IMMP2L: variants seen among roughly 807,000 people sequenced by gnomAD.
IMMP2L encodes the protein inner mitochondrial membrane peptidase subunit 2.
IMMP2L carries 18 observed loss-of-function variants against 19.3 expected under a neutral mutation model. The ratio of observed to expected loss-of-function variants is 0.93; its 90% CI spans 0.64 to 1.38. IMMP2L has a LOEUF of 1.38. Among genes scored for constraint, IMMP2L ranks in the 40% most tolerant of loss-of-function variants. IMMP2L has a pLI of 0.00. For missense variants in IMMP2L, 233 were observed against 218.2 expected (o/e 1.07, Z -0.43); for synonymous variants, 76 against 73.0 (o/e 1.04, Z -0.21).
chr7:111,345,617 T>C (rs1038661052), intron 3 of IMMP2L, among the ~76,000 whole-genome samples: 7 of 151,042 alleles, frequency 4.6e-5, no homozygotes, highest in Non-Finnish European at 1.0e-4. Context: ...TAACATGATA[T>C]GCAAAAACTG....
intron 3 of IMMP2L, among the ~76,000 whole-genome samples, chr7:111,174,971 A>C (rs146381036): frequency 6.6e-6 from 1 of 151,946 alleles, no homozygotes; most frequent in African/African-American, 2.4e-5. Context: ...GCACTTAATA[A>C]TTTCTTAGTA....
chr7:110,676,694 A>G (rs371635081), intron 5 of IMMP2L, among the ~76,000 whole-genome samples: 4 of 152,230 alleles, frequency 2.6e-5, no homozygotes, highest in African/African-American at 9.6e-5. Flanking sequence ...GAGGGTTTCC[A>G]TAATCACTGA....
chr7:111,411,393 T>TC (rs1834412950), intron 3 of IMMP2L: 1 of 474,472 alleles, frequency 2.1e-6, no homozygotes, highest in Non-Finnish European at 4.2e-6. Flanking sequence ...AAAAAAGGGG[T>TC]CCCCGTGAAA....
chr7:111,260,207 T>C (rs555741815), intron 3 of IMMP2L, among the ~76,000 whole-genome samples: 9 of 152,300 alleles, frequency 5.9e-5, no homozygotes, highest in Middle Eastern at 6.8e-3. Flanking sequence ...GCTAGACTTT[T>C]ATACAACTGG....
intron 4 of IMMP2L, among the ~76,000 whole-genome samples, chr7:110,895,739 C>T (rs1811255174): frequency 6.6e-6 from 1 of 152,116 alleles, no homozygotes; most frequent in Non-Finnish European, 1.5e-5. Flanking sequence ...CTGTCTTGCA[C>T]ATATTTTCTT....
chr7:111,142,117 G>C (rs214846), intron 3 of IMMP2L, among the ~76,000 whole-genome samples: 1 of 152,008 alleles, frequency 6.6e-6, no homozygotes, highest in African/African-American at 2.4e-5. Context: ...CCTGAGATCG[G>C]GAGTGCGAGA....
intron 3 of IMMP2L, among the ~76,000 whole-genome samples, chr7:111,292,457 G>A (rs1020084432): frequency 1.3e-5 from 2 of 151,988 alleles, no homozygotes; most frequent in Non-Finnish European, 2.9e-5. Flanking sequence ...TTCAGTAGAT[G>A]TAAATGTACT....
intron 3 of IMMP2L, among the ~76,000 whole-genome samples, chr7:110,968,955 C>T (rs1819855134): frequency 6.6e-6 from 1 of 152,002 alleles, no homozygotes; most frequent in African/African-American, 2.4e-5. Flanking sequence ...TTTTTTAAGA[C>T]TTACATGGAT....
At chr7:111,381,618 A>G (rs867509460) in intron 3 of IMMP2L, among the ~76,000 whole-genome samples, 1 of 152,022 alleles carries the variant, frequency 6.6e-6, no homozygotes, top group African/African-American at 2.4e-5. Context: ...AAGGTAGACT[A>G]TTGCAATCGC....
intron 3 of IMMP2L, among the ~76,000 whole-genome samples, chr7:111,353,113 A>C (rs10254893): frequency 0.026 from 3,986 of 152,274 alleles, 175 homozygotes; most frequent in African/African-American, 0.091. Flanking sequence ...AAATTCCAGA[A>C]GAAGCAGGCT....
At chr7:110,830,373 T>C (rs951435744) in intron 5 of IMMP2L, among the ~76,000 whole-genome samples, 1 of 152,072 alleles carries the variant, frequency 6.6e-6, no homozygotes, top group African/African-American at 2.4e-5. Context: ...CGTGTTGGAC[T>C]TCACATGGGG....
chr7:111,189,141 G>A (rs1808594569), intron 3 of IMMP2L, among the ~76,000 whole-genome samples: 1 of 152,082 alleles, frequency 6.6e-6, no homozygotes, highest in Non-Finnish European at 1.5e-5. Flanking sequence ...GATAATTCAT[G>A]TATACTTTTT....
intron 5 of IMMP2L, among the ~76,000 whole-genome samples, chr7:110,722,371 A>G (rs1795627983): frequency 6.6e-6 from 1 of 152,096 alleles, no homozygotes; most frequent in South Asian, 2.1e-4. Context: ...TAAGAGATGT[A>G]CCATCTCTGC....
chr7:110,856,716 G>A (rs970827546), intron 5 of IMMP2L, among the ~76,000 whole-genome samples: 8 of 151,966 alleles, frequency 5.3e-5, no homozygotes, highest in South Asian at 4.1e-4. Flanking sequence ...GAAAATTTAC[G>A]TCAAGATATG....
chr7:110,992,582 A>G (rs1365760887), intron 3 of IMMP2L, among the ~76,000 whole-genome samples: 4 of 151,798 alleles, frequency 2.6e-5, no homozygotes, highest in Non-Finnish European at 5.9e-5. Flanking sequence ...TTCTTAAAAA[A>G]TACCTTAACT....
chr7:111,190,836 C>T (rs548502821), intron 3 of IMMP2L, among the ~76,000 whole-genome samples: 14 of 152,174 alleles, frequency 9.2e-5, no homozygotes, highest in African/African-American at 2.9e-4. Flanking sequence ...ACAAATTCTA[C>T]AACATCTTAA....
At chr7:110,707,252 G>A (rs1205476880) in intron 5 of IMMP2L, among the ~76,000 whole-genome samples, 4 of 40,636 alleles carry the variant, frequency 9.8e-5, no homozygotes, top group Non-Finnish European at 2.0e-4. Context: ...GAGAATATGC[G>A]GTGTTTGGTT....
rs375513701 is a variant in IMMP2L at position 111,163,444 on chromosome 7, C to T, written c.240-199879G>A. ...TACCGAATCAAATCTCTCCTCAGTG[C>T]TTTAACTAGTGTCTAGCTTTGTTTA... On this transcript the variant is annotated intron_variant, in intron 3 of 5. Transcript: ENST00000405709. 5.1e-4 allele frequency among the ~76,000 whole-genome samples: 77 copies of T among 152,226 alleles called. No homozygotes were observed. In the Middle Eastern group the frequency reaches 0.027, roughly 54 times the overall value.
rs533964061 is a variant in IMMP2L, at chr7:111,400,910, CA to C, written c.239+86327del. 1.5e-4 allele frequency among the ~76,000 whole-genome samples: 22 copies of C among 149,296 alleles called. No individual in the cohort carries two copies. The South Asian group carries it at 3.4e-3, about 23-fold the overall frequency. Reference sequence around the variant, plus strand: ...AAGTGACATGATTTTGCAGTCATGCCAAAAAAGAAAAAAAAAAGGATTATAC... The same window carrying C: ...AAGTGACATGATTTTGCAGTCATGCCAAAAAGAAAAAAAAAAGGATTATAC... On this transcript the variant is annotated intron_variant, in intron 3 of 5. Transcript: ENST00000405709.
Sources: gnomAD v4.1 joint callset for allele counts (sites outside exome capture counted in the v4.1 genomes callset) on GRCh38, gnomAD v4.1.1 for gene constraint, MANE v1.5 for transcripts, NCBI Gene and HGNC (gene_info 2026-07-23, HGNC 2026-07-21) for gene names.